The following TEX14 variants were observed in gnomAD, a reference collection of about 807,000 sequenced individuals.
The protein encoded by TEX14 is inactive serine/threonine-protein kinase TEX14.
Under a neutral mutation model 178.6 loss-of-function variants are expected in TEX14, and 168 were observed. That is an observed-to-expected ratio of 0.94 (90% confidence interval 0.83 to 1.07). The LOEUF (loss-of-function observed/expected upper bound fraction) is 1.07, where lower values mean the gene tolerates loss of function less well. Among genes scored for constraint, TEX14 ranks in the 50% least tolerant of loss-of-function variants. The pLI is 0.00. For missense variants in TEX14, 1,730 were observed against 1,753.6 expected (o/e 0.99, Z 0.24); for synonymous variants, 626 against 634.1 (o/e 0.99, Z 0.19).
chr17:58,640,612 A>AGT (rs33931543), intron 2 of TEX14, among the ~76,000 whole-genome samples: 14,212 of 143,780 alleles, frequency 0.099, 774 homozygotes, highest in Non-Finnish European at 0.12. Context: ...CTTACCTTCT[A>AGT]GTGTGTGTGT....
chr17:58,613,481 T>G lies in TEX14; in HGVS notation c.945A>C (p.Lys315Asn), dbSNP rs114676314. 1.2e-5 allele frequency: 20 copies of G among 1,613,918 alleles called. No individual in the cohort carries two copies. The East Asian group carries it at 4.5e-4, about 36-fold the overall frequency. ...MAVCLSQDLEKTRLVYERITI... is the reference protein window; with the variant it reads ...MAVCLSQDLENTRLVYERITI... ...TGATGCGCTCGTACACAAGGCGGGTTTTCTCTAGGTCCTGGGAGAGACACA... is the reference window on the plus strand; with the variant it reads ...TGATGCGCTCGTACACAAGGCGGGTGTTCTCTAGGTCCTGGGAGAGACACA... The change falls in exon 9 of 32, where the codon AAA (lysine) becomes AAC (asparagine). Residue 315 changes from lysine to asparagine, a missense_variant. Physicochemically the swap from Lys to Asn is moderately conservative, Grantham distance 94. Transcript: ENST00000349033.
intron 1 of TEX14, among the ~76,000 whole-genome samples, chr17:58,680,081 CT>C (rs5821242): frequency 0.24 from 36,423 of 151,334 alleles, 5,286 homozygotes; most frequent in Middle Eastern, 0.41. Flanking sequence ...TGTCTTTTTT[CT>C]TTTTTTTTCC....
At chr17:58,595,343 G>T (rs1471790768) in intron 14 of TEX14, among the ~76,000 whole-genome samples, 2 of 152,160 alleles carry the variant, frequency 1.3e-5, no homozygotes, top group Non-Finnish European at 2.9e-5. Context: ...TATATCCTAT[G>T]TACTAGTAGA....
intron 2 of TEX14, among the ~76,000 whole-genome samples, chr17:58,637,716 C>T (rs924290426): frequency 1.3e-5 from 2 of 152,146 alleles, no homozygotes; most frequent in African/African-American, 2.4e-5. Context: ...GATATCTTTA[C>T]AATAAATGGG....
At position 58,622,946 on chromosome 17, in the gene TEX14, GC is replaced by G; in HGVS notation, c.317del (p.Ser106ThrfsTer25). On this transcript the variant is annotated frameshift_variant, in exon 4 of 32. Coordinates refer to ENST00000349033, the MANE Select transcript of TEX14 (RefSeq NM_031272.5). LOFTEE classifies it high-confidence loss of function. ...GGTCACCTCCTGCATCCAGCAGTTT[GC>G]TAAGGATCCACTGATTGCCCGAAAA... is the stretch of plus-strand genomic sequence containing the variant. ...AAFSGNQWIL[S>X]KLLDAGGDLR... The G allele has an allele frequency of 6.2e-7, 1 of 1,612,548 alleles. No individual in the cohort carries two copies. Among genetic ancestry groups the G allele is most frequent in the South Asian group, 1.1e-5 (1 of 91,056 alleles).
At position 58,615,285 on chromosome 17, in the gene TEX14, G is replaced by A. The variant is rs1193134038; in HGVS notation, c.828C>T (p.His276=). The stretch of plus-strand genomic sequence containing the variant: ...AGTCGGCCAGCCGCAGCCTGCTGCA[G>A]TGTGGGTGGGTGGGGAGATTCAGCT... ...VKELNLPTHP[H]CSRLRLADLL... Residue 276 remains histidine (H), a synonymous_variant, in exon 8 of 32, where the codon CAC becomes CAT. Transcript: ENST00000349033. 1 of 1,613,956 alleles carries A rather than the reference G, an allele frequency of 6.2e-7. No individual in the cohort carries two copies. Among genetic ancestry groups the A allele is most frequent in the Non-Finnish European group, 8.5e-7 (1 of 1,179,828 alleles).
chr17:58,638,352 A>G (rs1442938275), intron 2 of TEX14, among the ~76,000 whole-genome samples: 1 of 88,444 alleles, frequency 1.1e-5, no homozygotes, highest in South Asian at 3.5e-4. Context: ...CTACTACAAT[A>G]AATTAAAAAA....
At position 58,574,174 on chromosome 17, in the gene TEX14, T is replaced by C. The variant is rs186514422; in HGVS notation, c.3383+13A>G. On this transcript the variant is annotated intron_variant, in intron 22 of 31. Coordinates refer to ENST00000349033, the MANE Select transcript of TEX14 (RefSeq NM_031272.5). ...ACACAAGCATCCCTAGGCATTCTCT[T>C]TGGTGATCATACATGTCTTTCTCTT... The C allele has an allele frequency of 3.3e-5, 53 of 1,607,278 alleles. No individual in the cohort carries two copies. In the East Asian group the frequency reaches 1.1e-3, roughly 34 times the overall value.
At chr17:58,669,757 G>A (rs80310251) in intron 1 of TEX14, among the ~76,000 whole-genome samples, 28 of 115,326 alleles carry the variant, frequency 2.4e-4, no homozygotes, top group Non-Finnish European at 4.1e-4. Flanking sequence ...AAAAAAAAAA[G>A]CCAGCAACAG....
intron 15 of TEX14, among the ~76,000 whole-genome samples, chr17:58,591,514 AT>A (rs1365185741): frequency 1.3e-5 from 2 of 152,104 alleles, no homozygotes; most frequent in East Asian, 3.9e-4. Flanking sequence ...GCGAAACTCC[AT>A]TTCAAAAATA....
At position 58,601,919 on chromosome 17, in the gene TEX14, C is replaced by T. The variant is rs1345819610; in HGVS notation, c.1565G>A (p.Ser522Asn). 1 of 1,613,214 alleles carries T rather than the reference C, an allele frequency of 6.2e-7. No individual in the cohort carries two copies. Among genetic ancestry groups the T allele is most frequent in the African/African-American group, 1.3e-5 (1 of 74,858 alleles). ...GAGTCCGTATCTCTGCACTCTGGGG[C>T]TCTCGGTTGGTTGAGTTCTCTGGGC... ...TGAQRTQPTE[S>N]PRVQRYGLHP... Residue 522 changes from serine to asparagine, a missense_variant, in exon 13 of 32, where the codon AGC becomes AAC. Ser to Asn is a conservative substitution (Grantham distance 46). Transcript: ENST00000349033.
At chr17:58,595,953 G>A (rs1251986934) in intron 14 of TEX14, among the ~76,000 whole-genome samples, 2 of 152,230 alleles carry the variant, frequency 1.3e-5, no homozygotes, top group Non-Finnish European at 2.9e-5. Context: ...GGGAGGCCAA[G>A]GTGGGCGGAT....
chr17:58,619,837 T>C (rs1310220910), intron 5 of TEX14, among the ~76,000 whole-genome samples: 1 of 151,442 alleles, frequency 6.6e-6, no homozygotes, highest in African/African-American at 2.4e-5. Flanking sequence ...GAGGAGTGTA[T>C]TTCCATGTAA....
chr17:58,679,490 A>C (rs2047456897), intron 1 of TEX14: 1 of 152,196 alleles, frequency 6.6e-6, no homozygotes, highest in African/African-American at 2.4e-5. Flanking sequence ...CTACGAAGCA[A>C]AGATACAACG....
intron 2 of TEX14, among the ~76,000 whole-genome samples, chr17:58,643,032 T>C (rs2046610683): frequency 6.6e-6 from 1 of 152,188 alleles, no homozygotes. Context: ...AAACATGTCT[T>C]ATTTATCTCT....
chr17:58,581,851 G>A (rs748363796), intron 19 of TEX14: 2 of 1,086,260 alleles, frequency 1.8e-6, no homozygotes, highest in Non-Finnish European at 2.6e-6. Context: ...GTGTGACACT[G>A]AGCTGACTCT....
At chr17:58,603,509 C>T (rs747220980) in intron 11 of TEX14, among the ~76,000 whole-genome samples, 5 of 145,368 alleles carry the variant, frequency 3.4e-5, no homozygotes, top group African/African-American at 5.1e-5. Flanking sequence ...GAGCTGAGAT[C>T]GCGCCACTGC....
chr17:58,578,632 A>G (rs1429104333), intron 20 of TEX14, among the ~76,000 whole-genome samples: 1 of 152,188 alleles, frequency 6.6e-6, no homozygotes, highest in Non-Finnish European at 1.5e-5. Context: ...TGTCTGCCCT[A>G]AACTTTTCCA....
chr17:58,594,098 G>C (rs1057386106), intron 14 of TEX14, among the ~76,000 whole-genome samples: 1 of 152,124 alleles, frequency 6.6e-6, no homozygotes, highest in African/African-American at 2.4e-5. Context: ...CTCCCAAAGT[G>C]CTGGGATTAC....
Sources: allele counts gnomAD v4.1 joint callset (sites outside exome capture counted in the v4.1 genomes callset), GRCh38; gene constraint gnomAD v4.1.1; transcripts MANE v1.5; gene names NCBI Gene and HGNC (gene_info 2026-07-23, HGNC 2026-07-21).